The following BCAS3 variants were observed in gnomAD, a reference collection of about 807,000 sequenced individuals.
BCAS3 encodes the protein BCAS3 microtubule associated cell migration factor.
BCAS3 carries 53 observed loss-of-function variants against 116.1 expected under a neutral mutation model. The observed-to-expected ratio is 0.46, with a 90% confidence interval of 0.37 to 0.57. The LOEUF (loss-of-function observed/expected upper bound fraction) is 0.57. Among genes scored for constraint, BCAS3 ranks in the 20% least tolerant of loss-of-function variants. BCAS3 has a pLI of 0.00. For missense variants in BCAS3, 917 were observed against 1,165.4 expected, an observed-to-expected ratio of 0.79 and a Z score of 3.10; for synonymous variants, 391 against 408.2, an observed-to-expected ratio of 0.96 and a Z score of 0.51.
intron 14 of BCAS3, among the ~76,000 whole-genome samples, chr17:60,953,843 C>A (rs2060977805): frequency 6.6e-6 from 1 of 151,618 alleles, no homozygotes; most frequent in Non-Finnish European, 1.5e-5. Context: ...AGGCGATTCT[C>A]CTGCCTCAGC....
chr17:61,137,836 G>T (rs1341719214), intron 22 of BCAS3, among the ~76,000 whole-genome samples: 1 of 152,190 alleles, frequency 6.6e-6, no homozygotes, highest in Non-Finnish European at 1.5e-5. Flanking sequence ...TCTGTGGACG[G>T]TGATGGGTTT....
intron 11 of BCAS3, among the ~76,000 whole-genome samples, chr17:60,910,054 A>G (rs890926896): frequency 6.6e-6 from 1 of 152,190 alleles, no homozygotes; most frequent in Non-Finnish European, 1.5e-5. Context: ...CTTTGGAAGC[A>G]CATTCTTTTC....
At chr17:60,969,172 C>T (rs534162792) in intron 14 of BCAS3, among the ~76,000 whole-genome samples, 1 of 152,056 alleles carries the variant, frequency 6.6e-6, no homozygotes, top group African/African-American at 2.4e-5. Context: ...GTTAAAATCT[C>T]GGTACTATAT....
chr17:61,239,109 A>G lies in BCAS3; in HGVS notation c.2426-129218A>G, dbSNP rs1051327686. Among the ~76,000 whole-genome samples, 3 of 152,218 alleles carry G rather than the reference A, an allele frequency of 2.0e-5. No individual in the cohort carries two copies. The highest frequency in any genetic ancestry group is 7.2e-5 in the African/African-American group (3 of 41,460). On this transcript the variant is annotated intron_variant, in intron 22 of 23. Coordinates refer to ENST00000407086, the MANE Select transcript of BCAS3 (RefSeq NM_017679.5). The surrounding 1 kb of genome is among the most constrained non-coding windows in gnomAD (Gnocchi z 4.2). Reference sequence around the variant, plus strand: ...GTGTGCCAGGTAGGTTGGCATTCACAGTTCTCAGGAGACAATCAGGTACTG... The same window carrying G: ...GTGTGCCAGGTAGGTTGGCATTCACGGTTCTCAGGAGACAATCAGGTACTG...
chr17:61,176,301 T>C (rs531099368), intron 22 of BCAS3, among the ~76,000 whole-genome samples: 17 of 149,352 alleles, frequency 1.1e-4, no homozygotes, highest in Non-Finnish European at 1.8e-4. Context: ...GGCTAATATA[T>C]ACATTTTTCT....
chr17:60,889,881 TACTA>T (rs1401516175), intron 10 of BCAS3, 110 bp downstream of exon 10: 2 of 972,794 alleles, frequency 2.1e-6, no homozygotes, highest in African/African-American at 1.6e-5. Flanking sequence ...ATGTTTTACT[TACTA>T]GTTCATTTGC....
chr17:60,781,564 ACTC>A (rs1265595250), intron 6 of BCAS3, among the ~76,000 whole-genome samples: 2 of 152,024 alleles, frequency 1.3e-5, no homozygotes, highest in Admixed American at 1.3e-4. Context: ...GTGCCACTGT[ACTC>A]CAGCCTGGAT....
intron 14 of BCAS3, among the ~76,000 whole-genome samples, chr17:60,989,520 G>A (rs2063390671): frequency 7.0e-6 from 1 of 143,686 alleles, no homozygotes; most frequent in African/African-American, 2.6e-5. Context: ...ATTTACATAT[G>A]TTCTATGACT....
rs563048141 is a variant in BCAS3 at position 60,888,997 on chromosome 17, A to G, written c.662-698A>G. Among the ~76,000 whole-genome samples the G allele has an allele frequency of 5.3e-5, 8 of 152,336 alleles. No homozygotes were observed. In the South Asian group the frequency reaches 1.4e-3, roughly 28 times the overall value. On this transcript the variant is annotated intron_variant, in intron 9 of 23. Coordinates refer to ENST00000407086, the MANE Select transcript of BCAS3 (RefSeq NM_017679.5). The stretch of plus-strand genomic sequence containing the variant: ...TGACTAGGGAGTGGCAGCAGGGAAG[A>G]GTCAGCGGCGAAGAAAACCGATTCT...
intron 6 of BCAS3, among the ~76,000 whole-genome samples, chr17:60,791,536 A>G (rs1411593237): frequency 1.3e-5 from 2 of 151,778 alleles, no homozygotes; most frequent in African/African-American, 4.8e-5. Context: ...TGTCTGTAGT[A>G]CTAGCTGACT....
In BCAS3 at chr17:61,376,491, T is replaced by A. The variant is rs1050334414; in HGVS notation, c.2593+7997T>A. ...CCCAGATACCCAGGAAGGGTTAGTC[T>A]TTCGGCCTCCTGAAAGTAGGAATCG... On this transcript the variant is annotated intron_variant, in intron 23 of 23. Coordinates refer to ENST00000407086, the MANE Select transcript of BCAS3 (RefSeq NM_017679.5). This position sits in a 1 kb window ranked among gnomAD's most constrained non-coding sequence, Gnocchi z 4.5. Among the ~76,000 whole-genome samples the A allele has an allele frequency of 5.9e-5, 9 of 152,210 alleles. No individual in the cohort carries two copies. Among genetic ancestry groups the A allele is most frequent in the African/African-American group, 2.2e-4 (9 of 41,450 alleles).
chr17:61,323,577 C>G lies in BCAS3; in HGVS notation c.2426-44750C>G, dbSNP rs2055487501. 6.6e-6 allele frequency among the ~76,000 whole-genome samples: 1 copy of G among 152,206 alleles called. No individual in the cohort carries two copies. Among genetic ancestry groups the G allele is most frequent in the East Asian group, 1.9e-4 (1 of 5,198 alleles). On this transcript the variant is annotated intron_variant, in intron 22 of 23. Coordinates refer to ENST00000407086, the MANE Select transcript of BCAS3 (RefSeq NM_017679.5). The surrounding 1 kb of genome is among the most constrained non-coding windows in gnomAD (Gnocchi z 4.6). ...AAAAATGCTTTGAGAAATATCTTAG[C>G]TGTTCTCAAAATTATAAACTCGGGA...
chr17:60,776,349 T>C (rs1363975962), intron 6 of BCAS3, among the ~76,000 whole-genome samples: 1 of 152,210 alleles, frequency 6.6e-6, no homozygotes, highest in Non-Finnish European at 1.5e-5. Context: ...TATCTCACAT[T>C]AGTTGTTTAA....
intron 22 of BCAS3, among the ~76,000 whole-genome samples, chr17:61,266,737 C>T (rs1267862022): frequency 6.6e-6 from 1 of 152,144 alleles, no homozygotes; most frequent in Non-Finnish European, 1.5e-5. Flanking sequence ...GTTATGGAGT[C>T]CATCCCATTT....
chr17:61,182,533 A>G (rs2079541130), intron 22 of BCAS3, among the ~76,000 whole-genome samples: 1 of 152,180 alleles, frequency 6.6e-6, no homozygotes, highest in Non-Finnish European at 1.5e-5. Context: ...ATTTACATAC[A>G]ATACAATTCA....
intron 15 of BCAS3, among the ~76,000 whole-genome samples, chr17:60,999,561 A>G (rs1002533104): frequency 9.3e-5 from 14 of 150,258 alleles, no homozygotes; most frequent in African/African-American, 2.3e-4. Context: ...AAAAAAAAAA[A>G]AAAGAAAAAG....
At chr17:61,064,852 T>G (rs1300180546) in intron 19 of BCAS3, among the ~76,000 whole-genome samples, 1 of 152,182 alleles carries the variant, frequency 6.6e-6, no homozygotes, top group African/African-American at 2.4e-5. Context: ...TAATATATAA[T>G]GTAGATAAAG....
intron 23 of BCAS3, among the ~76,000 whole-genome samples, chr17:61,386,598 T>A (rs1310546303): frequency 6.6e-6 from 1 of 152,104 alleles, no homozygotes; most frequent in East Asian, 1.9e-4. Context: ...AGGCAGCCTC[T>A]TCCTAAACAC....
intron 6 of BCAS3, among the ~76,000 whole-genome samples, chr17:60,797,763 T>C (rs374221289): frequency 4.5e-4 from 68 of 152,272 alleles, no homozygotes; most frequent in African/African-American, 1.6e-3. Context: ...AACTCACACT[T>C]ATCAGTGAGA....
Sources: gnomAD v4.1 joint callset for allele counts (sites outside exome capture counted in the v4.1 genomes callset) on GRCh38, gnomAD v4.1.1 for gene constraint, Gnocchi (gnomAD v3.1) non-coding constraint, MANE v1.5 for transcripts, NCBI Gene and HGNC (gene_info 2026-07-23, HGNC 2026-07-21) for gene names.